The following DCLK1 variants were observed in gnomAD, a reference collection of about 807,000 sequenced individuals.
DCLK1 encodes doublecortin like kinase 1.
DCLK1 carries 16 observed loss-of-function variants against 86.2 expected under a neutral mutation model. The observed-to-expected ratio is 0.19, with a 90% CI of 0.13 to 0.28. The LOEUF (loss-of-function observed/expected upper bound fraction) is 0.28. Ranked by LOEUF, DCLK1 falls within the 10% of genes least tolerant of loss-of-function variation. The pLI, the probability that DCLK1 is intolerant of heterozygous loss-of-function variation, is 1.00. For synonymous variants in DCLK1, 369 were observed against 370.5 expected (o/e 1.00, Z 0.05); for missense variants, 590 against 940.2 (o/e 0.63, Z 4.87).
At chr13:35,958,662 G>C (rs1315744748) in intron 3 of DCLK1, among the ~76,000 whole-genome samples, 2 of 152,200 alleles carry the variant, frequency 1.3e-5, no homozygotes, top group South Asian at 2.1e-4. Flanking sequence ...AGAGCCTTTT[G>C]TCTCTTGAGT....
intron 3 of DCLK1, among the ~76,000 whole-genome samples, chr13:35,948,496 G>A (rs1407352623): frequency 6.6e-6 from 1 of 152,070 alleles, no homozygotes; most frequent in African/African-American, 2.4e-5. Context: ...TTCCTCTGTG[G>A]GCACCTCTGG....
At chr13:35,966,746 T>C (rs1319363363) in intron 3 of DCLK1, among the ~76,000 whole-genome samples, 1 of 152,096 alleles carries the variant, frequency 6.6e-6, no homozygotes, top group East Asian at 1.9e-4. Context: ...CCGCGAGTGA[T>C]CTGCCAGCCT....
intron 4 of DCLK1, among the ~76,000 whole-genome samples, chr13:35,894,845 A>G (rs190184912): frequency 1.3e-5 from 2 of 152,330 alleles, no homozygotes; most frequent in Admixed American, 1.3e-4. Flanking sequence ...CATGACCTCT[A>G]TTTTCAAATA....
At chr13:36,058,289 T>A (rs2153158667) in intron 3 of DCLK1, among the ~76,000 whole-genome samples, 1 of 152,252 alleles carries the variant, frequency 6.6e-6, no homozygotes, top group African/African-American at 2.4e-5. Context: ...CAGGACAGCA[T>A]TCTGAGAGCC....
intron 3 of DCLK1, among the ~76,000 whole-genome samples, chr13:36,103,946 C>A (rs1196045190): frequency 6.6e-6 from 1 of 152,196 alleles, no homozygotes; most frequent in African/African-American, 2.4e-5. Flanking sequence ...ACTCAGACGG[C>A]GAGATGTTTC....
chr13:35,976,563 C>A (rs1447929601), intron 3 of DCLK1, among the ~76,000 whole-genome samples: 7 of 83,864 alleles, frequency 8.3e-5, no homozygotes, highest in African/African-American at 2.2e-4. Context: ...CGGAGTCTCG[C>A]TCTGTCGCCC....
chr13:35,945,094 T>A (rs1865304890), intron 4 of DCLK1, among the ~76,000 whole-genome samples: 1 of 151,988 alleles, frequency 6.6e-6, no homozygotes, highest in South Asian at 2.1e-4. Context: ...GAGACGGGGT[T>A]TCTCCATGTT....
intron 3 of DCLK1, among the ~76,000 whole-genome samples, chr13:36,093,213 T>C (rs763158876): frequency 1.3e-5 from 2 of 152,186 alleles, no homozygotes; most frequent in African/African-American, 2.4e-5. Context: ...ACTTTGAAAA[T>C]TGGCAGTGTA....
chr13:36,067,553 TATA>T (rs1217370787), intron 3 of DCLK1, among the ~76,000 whole-genome samples: 3 of 151,360 alleles, frequency 2.0e-5, no homozygotes, highest in Admixed American at 2.0e-4. Flanking sequence ...AAACTTAAAG[TATA>T]ATAATAATAA....
intron 8 of DCLK1, among the ~76,000 whole-genome samples, chr13:35,830,102 G>A (rs995876626): frequency 3.3e-5 from 5 of 152,182 alleles, no homozygotes; most frequent in South Asian, 2.1e-4. Flanking sequence ...AATTTAAAAC[G>A]TGGGTTGGGG....
At chr13:35,923,552 G>A (rs910986041) in intron 4 of DCLK1, among the ~76,000 whole-genome samples, 3 of 151,956 alleles carry the variant, frequency 2.0e-5, no homozygotes, top group African/African-American at 7.3e-5. Context: ...GAGGCTATGG[G>A]ACAAATGATA....
intron 3 of DCLK1, among the ~76,000 whole-genome samples, chr13:36,008,672 C>T (rs372523872): frequency 2.7e-5 from 4 of 145,946 alleles, no homozygotes; most frequent in African/African-American, 5.1e-5. Flanking sequence ...TGAATAATGC[C>T]GCAATAAACA....
chr13:35,972,606 A>T (rs1378424625), intron 3 of DCLK1, among the ~76,000 whole-genome samples: 1 of 152,008 alleles, frequency 6.6e-6, no homozygotes, highest in African/African-American at 2.4e-5. Context: ...AGTGACAAGG[A>T]GCAAGTGGCA....
At chr13:35,914,377 A>ATG (rs1875277571) in intron 4 of DCLK1, among the ~76,000 whole-genome samples, 1 of 111,666 alleles carries the variant, frequency 9.0e-6, no homozygotes, top group African/African-American at 3.7e-5. Flanking sequence ...ATGTATATAT[A>ATG]TATATATATA....
intron 5 of DCLK1, among the ~76,000 whole-genome samples, chr13:35,867,301 A>C (rs9601513): frequency 0.25 from 38,346 of 152,118 alleles, 4,907 homozygotes; most frequent in Admixed American, 0.34. Context: ...GCTCACATTA[A>C]ACAAAATATG....
intron 2 of DCLK1, among the ~76,000 whole-genome samples, chr13:36,120,327 G>A (rs990473742): frequency 1.3e-5 from 2 of 152,088 alleles, no homozygotes; most frequent in African/African-American, 4.8e-5. Flanking sequence ...ACAATATTTG[G>A]TTATAAGATT....
At chr13:35,950,414 T>A (rs1486818342) in intron 3 of DCLK1, among the ~76,000 whole-genome samples, 1 of 152,250 alleles carries the variant, frequency 6.6e-6, no homozygotes, top group Non-Finnish European at 1.5e-5. Flanking sequence ...CTTGAGGCAT[T>A]ACTGTACATT....
intron 6 of DCLK1, among the ~76,000 whole-genome samples, chr13:35,851,985 A>ATG (rs1466970949): frequency 1.0e-3 from 140 of 138,156 alleles, no homozygotes; most frequent in African/African-American, 3.9e-3. Flanking sequence ...GCGTGTGTGC[A>ATG]TGTGTGTGTA....
chr13:35,782,469 A>G (rs1277010326), intron 16 of DCLK1, among the ~76,000 whole-genome samples: 2 of 152,208 alleles, frequency 1.3e-5, no homozygotes, highest in Non-Finnish European at 2.9e-5. Flanking sequence ...AGTGCCTACA[A>G]AGCAAGTAAG....
Sources: gnomAD v4.1 joint callset for allele counts (sites outside exome capture counted in the v4.1 genomes callset) on GRCh38, gnomAD v4.1.1 for gene constraint, MANE v1.5 for transcripts, NCBI Gene and HGNC (gene_info 2026-07-23, HGNC 2026-07-21) for gene names.